The following ATP11B variants were observed in gnomAD, a reference collection of about 807,000 sequenced individuals.
ATP11B encodes the protein phospholipid-transporting ATPase IF.
ATP11B carries 81 observed loss-of-function variants against 157.8 expected under a neutral mutation model. The ratio of observed to expected loss-of-function variants is 0.51; its 90% confidence interval spans 0.43 to 0.62. The LOEUF (loss-of-function observed/expected upper bound fraction) is 0.62. Among genes scored for constraint, ATP11B ranks in the 20% least tolerant of loss-of-function variants. The pLI is 0.00. For missense variants in ATP11B, 1,165 were observed against 1,402.2 expected (o/e 0.83, Z 2.70); for synonymous variants, 451 against 469.4 (o/e 0.96, Z 0.51).
intron 1 of ATP11B, among the ~76,000 whole-genome samples, chr3:182,807,116 C>G (rs187441021): frequency 1.0e-3 from 153 of 152,216 alleles, no homozygotes; most frequent in Non-Finnish European, 1.8e-3. Context: ...CTTCCCAAAG[C>G]CAATAGCCAA....
chr3:182,886,558 T>C (rs1027648790), intron 23 of ATP11B, among the ~76,000 whole-genome samples: 5 of 152,192 alleles, frequency 3.3e-5, no homozygotes, highest in African/African-American at 1.2e-4. Context: ...AAGGTGGGTC[T>C]TTGTTTGCAT....
At chr3:182,862,709 A>C (rs1439380571) in intron 12 of ATP11B, among the ~76,000 whole-genome samples, 2 of 152,188 alleles carry the variant, frequency 1.3e-5, no homozygotes, top group Non-Finnish European at 2.9e-5. Context: ...TCAGATTCTA[A>C]GTTCTGGTAC....
At chr3:182,816,301 C>T in intron 1 of ATP11B, among the ~76,000 whole-genome samples, 1 of 152,098 alleles carries the variant, frequency 6.6e-6, no homozygotes, top group East Asian at 1.9e-4. Context: ...TATCTCAGGT[C>T]CTTTGCCCAG....
chr3:182,853,775 A>G (rs1264359699), intron 10 of ATP11B, among the ~76,000 whole-genome samples: 1 of 152,226 alleles, frequency 6.6e-6, no homozygotes, highest in Non-Finnish European at 1.5e-5. Flanking sequence ...ATCTTTTTGT[A>G]GTAATTGACA....
At chr3:182,813,007 G>T (rs1045139603) in intron 1 of ATP11B, among the ~76,000 whole-genome samples, 10 of 152,108 alleles carry the variant, frequency 6.6e-5, no homozygotes, top group Admixed American at 6.5e-4. Flanking sequence ...TTAGCATAAT[G>T]TCCTTAAGGT....
At chr3:182,871,516 T>C (rs1282046204) in intron 17 of ATP11B, among the ~76,000 whole-genome samples, 4 of 151,920 alleles carry the variant, frequency 2.6e-5, no homozygotes, top group African/African-American at 7.3e-5. Context: ...CTAAAAAGTA[T>C]TTTTTATAAT....
At chr3:182,840,383 C>G (rs1718912624) in intron 7 of ATP11B, among the ~76,000 whole-genome samples, 1 of 152,098 alleles carries the variant, frequency 6.6e-6, no homozygotes, top group Non-Finnish European at 1.5e-5. Flanking sequence ...CGCTATCTAC[C>G]CTCACTCCCT....
chr3:182,874,680 G>A (rs1328829668), intron 19 of ATP11B, among the ~76,000 whole-genome samples: 5 of 152,040 alleles, frequency 3.3e-5, no homozygotes, highest in African/African-American at 4.8e-5. Context: ...TAAAAATCTC[G>A]TTACAGATGG....
At chr3:182,872,045 G>T (rs1721703332) in intron 17 of ATP11B, among the ~76,000 whole-genome samples, 1 of 152,154 alleles carries the variant, frequency 6.6e-6, no homozygotes, top group Admixed American at 6.5e-5. Context: ...TCGATCTCCT[G>T]ACCTCATGAT....
chr3:182,832,417 A>G (rs1718221300), intron 4 of ATP11B, among the ~76,000 whole-genome samples: 1 of 152,208 alleles, frequency 6.6e-6, no homozygotes. Flanking sequence ...CTTTTGCAAC[A>G]ACTATTCCTA....
chr3:182,861,441 T>G (rs970511959), intron 12 of ATP11B, among the ~76,000 whole-genome samples: 1 of 152,170 alleles, frequency 6.6e-6, no homozygotes, highest in Non-Finnish European at 1.5e-5. Context: ...CACAAATGCT[T>G]CAATAAATAC....
rs1220668889 is a variant in ATP11B, at chr3:182,835,888, GA to G, written c.316-146del. ...GTGTTTCCAGTAGGAACAAATATCA[GA>G]TACCTATGAGCATGTGCATCCAAAT... On this transcript the variant is annotated intron_variant, in intron 4 of 29. Coordinates refer to ENST00000323116, the MANE Select transcript of ATP11B (RefSeq NM_014616.3). 7.6e-6 allele frequency: 4 copies of G among 528,460 alleles called. No homozygotes were observed. The African/African-American group carries it at 7.9e-5, about 10-fold the overall frequency. 32.7% of individuals were successfully genotyped at this position (528,460 alleles called of 1,614,324 possible). A position where few individuals can be genotyped will look rare whatever the true frequency, so the allele number is the denominator to read the frequency against.
chr3:182,858,342 G>A (rs1046373848), intron 11 of ATP11B, among the ~76,000 whole-genome samples: 4 of 152,100 alleles, frequency 2.6e-5, no homozygotes, highest in African/African-American at 9.7e-5. Context: ...TCCACTTACT[G>A]TGTCTTATAA....
rs1160458124 is a variant in ATP11B at position 182,800,811 on chromosome 3, C to T, written c.27+7025C>T. ...TTTTTTTTTTTTTTTAAGACAGTCT[C>T]GCTTTGTCACCCAGGCTAGAGTGCA... On this transcript the variant is annotated intron_variant, in intron 1 of 29. Coordinates refer to ENST00000323116, the MANE Select transcript of ATP11B (RefSeq NM_014616.3). 6.4e-4 allele frequency among the ~76,000 whole-genome samples: 94 copies of T among 146,062 alleles called. 1 individual carries two copies. Among genetic ancestry groups the T allele is most frequent in the Non-Finnish European group, 1.3e-4 (9 of 66,862 alleles).
At position 182,918,404 on chromosome 3, in the gene ATP11B, C is replaced by T; in HGVS notation, c.*300C>T. 1 of 399,458 alleles carries T rather than the reference C, an allele frequency of 2.5e-6. No individual in the cohort carries two copies. The highest frequency in any genetic ancestry group is 4.4e-6 in the Non-Finnish European group (1 of 226,878). 24.7% of individuals were successfully genotyped at this position (399,458 alleles called of 1,614,324 possible). On this transcript the variant is annotated 3_prime_UTR_variant, in exon 30 of 30. Transcript: ENST00000323116. The stretch of plus-strand genomic sequence containing the variant: ...ATGGCATTTCAGTCTGTTGCTGAGG[C>T]CATTATATTTTAATATAAATGTAGA...
At chr3:182,883,148 A>C (rs1032641355) in intron 21 of ATP11B, among the ~76,000 whole-genome samples, 3 of 152,148 alleles carry the variant, frequency 2.0e-5, no homozygotes, top group Non-Finnish European at 4.4e-5. Context: ...TGAATGCAGG[A>C]ATTTCTTCTA....
At chr3:182,884,444 G>T (rs185108238) in intron 21 of ATP11B, among the ~76,000 whole-genome samples, 2 of 152,038 alleles carry the variant, frequency 1.3e-5, no homozygotes, top group African/African-American at 4.8e-5. Flanking sequence ...CCCAGTACTT[G>T]TGCTTATTAG....
At chr3:182,857,757 AAT>A in intron 10 of ATP11B, 119 bp from the exon 11 acceptor site, 1 of 542,046 alleles carries the variant, frequency 1.8e-6, no homozygotes, top group Non-Finnish European at 3.2e-6. Flanking sequence ...TGTATTTTAA[AAT>A]AGTTACAGTA....
At chr3:182,913,134 A>G (rs1724908288) in intron 28 of ATP11B, among the ~76,000 whole-genome samples, 1 of 152,204 alleles carries the variant, frequency 6.6e-6, no homozygotes, top group Non-Finnish European at 1.5e-5. Context: ...TCTTGATAGT[A>G]CTACTTATTC....
Sources: allele counts gnomAD v4.1 joint callset (sites outside exome capture counted in the v4.1 genomes callset), GRCh38; gene constraint gnomAD v4.1.1; transcripts MANE v1.5; gene names NCBI Gene and HGNC (gene_info 2026-07-23, HGNC 2026-07-21).